Variants in LIME1 observed in about 807,000 individuals in gnomAD.
The protein encoded by LIME1 is lck-interacting transmembrane adapter 1.
A neutral mutation model predicts 18.8 loss-of-function variants in LIME1; 23 were observed. That is an observed-to-expected ratio of 1.22 (90% CI 0.88 to 1.73). The LOEUF (loss-of-function observed/expected upper bound fraction) is 1.73, where lower values mean the gene tolerates loss of function less well. LIME1 is among the 40% of genes most tolerant of loss of function. LIME1 has a pLI of 0.00. For missense variants in LIME1, 423 were observed against 396.8 expected, an observed-to-expected ratio of 1.07 and a Z score of -0.56; for synonymous variants, 177 against 182.3, an observed-to-expected ratio of 0.97 and a Z score of 0.23.
intron 2 of LIME1, 29 bp from the exon 3 acceptor site, chr20:63,737,792 G>A (rs1357681875): frequency 1.1e-5 from 9 of 817,044 alleles, no homozygotes; most frequent in African/African-American, 1.9e-5. Context: ...TGACGACCCC[G>A]CCCCCCGCCC....
intron 2 of LIME1, 33 bp downstream of exon 2, chr20:63,737,680 T>C: frequency 2.0e-6 from 3 of 1,514,986 alleles, no homozygotes; most frequent in Non-Finnish European, 2.6e-6. Flanking sequence ...GTCTGGGGCC[T>C]CGCTGCGGCT....
chr20:63,736,033 C>T (rs1035136888), upstream of LIME1: 51 of 1,434,520 alleles, frequency 3.6e-5, no homozygotes, highest in African/African-American at 6.7e-4. Context: ...GCAGACACTG[C>T]TGAGTGGAGA....
At chr20:63,737,121 G>C (rs984993654) in intron 1 of LIME1, 24 of 993,696 alleles carry the variant, frequency 2.4e-5, no homozygotes, top group Middle Eastern at 5.1e-4. Context: ...CGAGCGGCTT[G>C]GGGGCACTAC....
At chr20:63,736,050 T>G (rs1601356874), upstream of LIME1, 1 of 1,340,512 alleles carries the variant, frequency 7.5e-7, no homozygotes. Flanking sequence ...GAGACAGAGC[T>G]GCGGGGTCCC....
At chr20:63,735,923 C>T (rs2091985940), upstream of LIME1, 8 of 1,610,374 alleles carry the variant, frequency 5.0e-6, no homozygotes, top group South Asian at 1.1e-5. Flanking sequence ...GTTCTAGAGA[C>T]CCCACAAGCA....
chr20:63,737,764 G>A (rs1386849453), intron 2 of LIME1, 57 bp from the exon 3 acceptor site: 12 of 1,420,180 alleles, frequency 8.4e-6, no homozygotes, highest in Admixed American at 5.4e-5. Context: ...CGCCTGCACC[G>A]GGCCTTGGAC....
intron 1 of LIME1, 85 bp from the exon 2 acceptor site, chr20:63,737,448 A>G: frequency 7.2e-7 from 1 of 1,388,226 alleles, no homozygotes. Context: ...GGAGCCCCGC[A>G]GCCGCGGGAG....
Position 63,738,309 on chromosome 20 carries a change from C to G in LIME1, c.395C>G (p.Ala132Gly), listed in dbSNP as rs2092019612. 1 of 1,564,136 alleles carries G rather than the reference C, an allele frequency of 6.4e-7. No individual in the cohort carries two copies. Among genetic ancestry groups the G allele is most frequent in the Non-Finnish European group, 8.6e-7 (1 of 1,158,556 alleles). ...GAGCTGCCCCGGGCTCTGCCGGCAG[C>G]TGCAGCCACCGCAGGGTGCGCTGGC... ...HQELPRALPA[A>G]AATAGCAGLE... Residue 132 changes from alanine to glycine, a missense_variant, in exon 5 of 6, where the codon GCT (alanine) becomes GGT (glycine). Physicochemically the swap from Ala to Gly is moderately conservative, Grantham distance 60. Coordinates refer to ENST00000309546, the MANE Select transcript of LIME1 (RefSeq NM_017806.4).
chr20:63,736,561 G>T, upstream of LIME1: 3 of 961,640 alleles, frequency 3.1e-6, no homozygotes, highest in Non-Finnish European at 3.7e-6. Context: ...GGGTGAGGCT[G>T]CGGTGGTGGC....
Position 63,738,045 on chromosome 20 carries a change from C to T in LIME1, c.253C>T (p.Pro85Ser). The change falls in exon 4 of 6, where the codon CCG becomes TCG. Residue 85 changes from proline to serine, a missense_variant. Physicochemically the swap from Pro to Ser is moderately conservative, Grantham distance 74. Transcript: ENST00000309546. ...DTRLHELHRGPRSSRALRPAS... is the reference protein window; with the variant it reads ...DTRLHELHRGSRSSRALRPAS... The stretch of plus-strand genomic sequence containing the variant: ...CAGACTGCACGAGCTGCACCGGGGC[C>T]CGCGCAGCAGCAGGGGTGAGCAGAG... 1 of 1,547,634 alleles carries T rather than the reference C, an allele frequency of 6.5e-7. No homozygotes were observed. The highest frequency in any genetic ancestry group is 1.9e-5 in the Admixed American group (1 of 53,238).
Position 63,738,835 on chromosome 20 carries a change from C to T in LIME1, c.823C>T (p.Pro275Ser). 1.2e-6 allele frequency: 2 copies of T among 1,611,106 alleles called. No individual in the cohort carries two copies. Among genetic ancestry groups the T allele is most frequent in the Non-Finnish European group, 1.7e-6 (2 of 1,179,268 alleles). The change falls in exon 6 of 6, where the codon CCC (proline) becomes TCC (serine). Residue 275 changes from proline (P) to serine (S), a missense_variant. By Grantham distance (74) the Pro-to-Ser change is moderately conservative. Coordinates refer to ENST00000309546, the MANE Select transcript of LIME1 (RefSeq NM_017806.4). Reference sequence around the variant, plus strand: ...GAGCAGCACGTGCGGGGCTGGGACGCCCCCTGCTTCCAGCTGCCCCAGCCT... The same window carrying T: ...GAGCAGCACGTGCGGGGCTGGGACGTCCCCTGCTTCCAGCTGCCCCAGCCT... ...GRSSTCGAGTPPASSCPSLGR... is the reference protein window; with the variant it reads ...GRSSTCGAGTSPASSCPSLGR...
At position 63,739,035 on chromosome 20, in the gene LIME1, C is replaced by T. The variant is rs2092026056; in HGVS notation, c.*135C>T. On this transcript the variant is annotated 3_prime_UTR_variant, in exon 6 of 6. Coordinates refer to ENST00000309546, the MANE Select transcript of LIME1 (RefSeq NM_017806.4). ...GTCCGTGAGGTCCTGGCCGCTCTGA[C>T]AGCCGCGGCCTCCCCGGGCTCCAGA... 8.0e-6 allele frequency: 6 copies of T among 750,366 alleles called. No homozygotes were observed. Among genetic ancestry groups the T allele is most frequent in the Non-Finnish European group, 1.2e-5 (6 of 487,362 alleles). 46.5% of individuals were successfully genotyped at this position (750,366 alleles called of 1,614,324 possible).
chr20:63,735,770 C>T, upstream of LIME1: 2 of 1,587,956 alleles, frequency 1.3e-6, no homozygotes, highest in Non-Finnish European at 1.7e-6. Flanking sequence ...GACTAGTGAG[C>T]CCCTCCGCAG....
upstream of LIME1, chr20:63,736,094 T>C: frequency 1.1e-6 from 1 of 876,288 alleles, no homozygotes; most frequent in Non-Finnish European, 1.7e-6. Flanking sequence ...TGCCAGTGTC[T>C]TGGGCATTTC....
Position 63,738,752 on chromosome 20 carries a change from G to T in LIME1, c.740G>T (p.Ser247Ile), listed in dbSNP as rs2092023869. The T allele has an allele frequency of 6.2e-7, 1 of 1,612,988 alleles. No individual in the cohort carries two copies. Among genetic ancestry groups the T allele is most frequent in the African/African-American group, 1.3e-5 (1 of 74,950 alleles). ...TLPLRALDVD[S>I]GPLENVYESI... is the part of the protein sequence containing the mutation. ...CCGCTCAGGGCCCTGGATGTGGACAGCGGCCCCCTGGAAAACGTGTATGAG... is the reference window on the plus strand; with the variant it reads ...CCGCTCAGGGCCCTGGATGTGGACATCGGCCCCCTGGAAAACGTGTATGAG... Residue 247 changes from serine to isoleucine, a missense_variant, in exon 6 of 6, where the codon AGC (serine) becomes ATC (isoleucine). Coordinates refer to ENST00000309546, the MANE Select transcript of LIME1 (RefSeq NM_017806.4).
chr20:63,736,212 C>T (rs1034143415), upstream of LIME1: 10 of 385,496 alleles, frequency 2.6e-5, no homozygotes, highest in East Asian at 1.1e-4. Flanking sequence ...TGGTGAGAGA[C>T]GGGCTGGGCT....
Position 63,738,968 on chromosome 20 carries a change from T to G in LIME1, c.*68T>G. On this transcript the variant is annotated 3_prime_UTR_variant, in exon 6 of 6. Transcript: ENST00000309546. ...CCCCCGCCCCGCCCCGCCTCACAGC[T>G]GACAGCGCCAGTCCCAGGTCCCCGG... 1.4e-6 allele frequency: 2 copies of G among 1,381,832 alleles called. No individual in the cohort carries two copies. The highest frequency in any genetic ancestry group is 1.5e-5 in the African/African-American group (1 of 68,274). 85.6% of individuals were successfully genotyped at this position (1,381,832 alleles called of 1,614,324 possible).
chr20:63,736,148 T>G, upstream of LIME1: 1 of 606,882 alleles, frequency 1.6e-6, no homozygotes, highest in East Asian at 3.2e-5. Flanking sequence ...TGTCATTCAG[T>G]GGAGATCAGC....
rs1268311706 is a variant in LIME1 at position 63,738,920 on chromosome 20, C to T, written c.*20C>T. The T allele has an allele frequency of 2.0e-6, 3 of 1,532,564 alleles. No homozygotes were observed. The African/African-American group carries it at 4.2e-5, about 21-fold the overall frequency. 94.9% of individuals were successfully genotyped at this position (1,532,564 alleles called of 1,614,324 possible). A position where few individuals can be genotyped will look rare whatever the true frequency, so the allele number is the denominator to read the frequency against. On this transcript the variant is annotated 3_prime_UTR_variant, in exon 6 of 6. Transcript: ENST00000309546. ...CCCTGAACACTCAAGGACCTGTGCT[C>T]CTTCCTCCAGAGTGAGGCCCGTCCC... is the stretch of plus-strand genomic sequence containing the variant.
Sources: gnomAD v4.1 joint callset for allele counts on GRCh38, gnomAD v4.1.1 for gene constraint, MANE v1.5 for transcripts, NCBI Gene and HGNC (gene_info 2026-07-23, HGNC 2026-07-21) for gene names.